KCNQ1: variants seen among roughly 807,000 people sequenced by gnomAD.
KCNQ1 encodes the protein potassium voltage-gated channel subfamily KQT member 1.
A neutral mutation model predicts 72.4 loss-of-function variants in KCNQ1; 49 were observed. The ratio of observed to expected loss-of-function variants is 0.68; its 90% CI spans 0.54 to 0.86. The LOEUF (loss-of-function observed/expected upper bound fraction) is 0.86. KCNQ1 is among the 40% of genes least tolerant of loss of function. The pLI, the probability that KCNQ1 is intolerant of heterozygous loss-of-function variation, is 0.00. For missense variants in KCNQ1, 790 were observed against 945.1 expected (o/e 0.84, Z 2.15); for synonymous variants, 450 against 412.6 (o/e 1.09, Z -1.10).
rs577402409 is a variant in KCNQ1, at chr11:2,559,068, G to A, written c.478-11560G>A. Among the ~76,000 whole-genome samples, 1 of 151,852 alleles carries A rather than the reference G, an allele frequency of 6.6e-6. No homozygotes were observed. Among genetic ancestry groups the A allele is most frequent in the Admixed American group, 6.6e-5 (1 of 15,264 alleles). On this transcript the variant is annotated intron_variant, in intron 2 of 15. Coordinates refer to ENST00000155840, the MANE Select transcript of KCNQ1 (RefSeq NM_000218.3). This position sits in a 1 kb window ranked among gnomAD's most constrained non-coding sequence, Gnocchi z 4.9. ...CCCAGAGCTACGGACAAGGGGCAAG[G>A]TGGGGCTGGAGGCACCGGCTCAGCA...
rs77923423 is a variant in KCNQ1 at position 2,823,227 on chromosome 11, G to A, written c.1795-24540G>A. ...AGTAACAGGTGATTTTCCAAACATG[G>A]GCCTCTGAACAGATCAGTCTTTGGT... is the stretch of plus-strand genomic sequence containing the variant. On this transcript the variant is annotated intron_variant, in intron 15 of 15. Transcript: ENST00000155840. Among the ~76,000 whole-genome samples, 968 of 152,242 alleles carry A rather than the reference G, an allele frequency of 6.4e-3. 12 individuals carry two copies. The highest frequency in any genetic ancestry group is 0.022 in the African/African-American group (901 of 41,516).
chr11:2,605,828 G>C (rs557434295), intron 10 of KCNQ1, among the ~76,000 whole-genome samples: 1 of 152,304 alleles, frequency 6.6e-6, no homozygotes, highest in Admixed American at 6.5e-5. Context: ...CTGAGATTCT[G>C]GTAAGGATTG....
intron 11 of KCNQ1, among the ~76,000 whole-genome samples, chr11:2,738,511 A>G (rs1052469583): frequency 7.2e-5 from 11 of 152,316 alleles, no homozygotes; most frequent in African/African-American, 2.4e-4. Flanking sequence ...GACCCTGGCC[A>G]GAGCCATGGC....
In KCNQ1 at chr11:2,550,043, A is replaced by C. The variant is rs1254685566; in HGVS notation, c.478-20585A>C. Among the ~76,000 whole-genome samples the C allele has an allele frequency of 1.3e-5, 2 of 152,180 alleles. No individual in the cohort carries two copies. The highest frequency in any genetic ancestry group is 2.4e-5 in the African/African-American group (1 of 41,444). On this transcript the variant is annotated intron_variant, in intron 2 of 15. Transcript: ENST00000155840. The surrounding 1 kb of genome is among the most constrained non-coding windows in gnomAD (Gnocchi z 6.0). ...GGCCTCGAGAGGGACGGACCCCAGAACTGGACCCCAATGTGCAGGTCTGGG... is the reference window on the plus strand; with the variant it reads ...GGCCTCGAGAGGGACGGACCCCAGACCTGGACCCCAATGTGCAGGTCTGGG...
At position 2,588,607 on chromosome 11, in the gene KCNQ1, G is replaced by C; in HGVS notation, c.1252-106G>C. ...GCCTCAGGTCCCTGTCCGGGTGTAT[G>C]TGGCGGGGGCTGGGCTCGGGGCGGC... On this transcript the variant is annotated intron_variant, in intron 9 of 15. Coordinates refer to ENST00000155840, the MANE Select transcript of KCNQ1 (RefSeq NM_000218.3). The surrounding 1 kb of genome is among the most constrained non-coding windows in gnomAD (Gnocchi z 5.6). 7.2e-7 allele frequency: 1 copy of C among 1,388,772 alleles called. No homozygotes were observed. The highest frequency in any genetic ancestry group is 1.0e-6 in the Non-Finnish European group (1 of 993,078). 86.0% of individuals were successfully genotyped at this position (1,388,772 alleles called of 1,614,324 possible).
chr11:2,467,906 G>A (rs1846375132), intron 1 of KCNQ1, among the ~76,000 whole-genome samples: 1 of 152,212 alleles, frequency 6.6e-6, no homozygotes, highest in Non-Finnish European at 1.5e-5. Context: ...TCCAGGCACT[G>A]CCTTCCACCT....
chr11:2,485,183 T>A (rs1470309392), intron 1 of KCNQ1, among the ~76,000 whole-genome samples: 2 of 152,226 alleles, frequency 1.3e-5, no homozygotes, highest in Non-Finnish European at 2.9e-5. Context: ...TAGATTTATC[T>A]GTTAGGTTGG....
At chr11:2,666,995 G>A (rs894160557) in intron 11 of KCNQ1, 1 of 398,712 alleles carries the variant, frequency 2.5e-6, no homozygotes. Context: ...GCTGTACAGG[G>A]CTGCATGAGT....
chr11:2,751,157 C>T (rs1405149486), intron 11 of KCNQ1, among the ~76,000 whole-genome samples: 1 of 152,222 alleles, frequency 6.6e-6, no homozygotes, highest in Non-Finnish European at 1.5e-5. Context: ...AAGGCAGTGA[C>T]TGGTTTTGCC....
intron 10 of KCNQ1, among the ~76,000 whole-genome samples, chr11:2,596,226 C>T (rs1025767670): frequency 5.3e-5 from 8 of 152,118 alleles, no homozygotes; most frequent in African/African-American, 1.4e-4. Flanking sequence ...CATATGCTCC[C>T]GGTGAGAATG....
chr11:2,684,165 G>A (rs529967256), intron 11 of KCNQ1: 11 of 398,636 alleles, frequency 2.8e-5, no homozygotes, highest in African/African-American at 1.8e-4. Flanking sequence ...GAGGACTTAG[G>A]AAGAGAAGCG....
Position 2,627,342 on chromosome 11 carries a change from T to C in KCNQ1, c.1394-34619T>C. 2.5e-6 allele frequency: 1 copy of C among 398,572 alleles called. No individual in the cohort carries two copies. The highest frequency in any genetic ancestry group is 4.4e-6 in the Non-Finnish European group (1 of 226,050). The allele number at this position is 398,572 out of a possible 1,614,324, so 24.7% of individuals were successfully genotyped here. A position where few individuals can be genotyped will look rare whatever the true frequency, so the allele number is the denominator to read the frequency against. On this transcript the variant is annotated intron_variant, in intron 10 of 15. Transcript: ENST00000155840. The surrounding 1 kb of genome is among the most constrained non-coding windows in gnomAD (Gnocchi z 4.9). ...TGGTCAGAATACCTAAGCTATACTC[T>C]CTTAGCAAATTCCAAGTATAGAATA...
chr11:2,817,727 C>T lies in KCNQ1; in HGVS notation c.1795-30040C>T, dbSNP rs746567893. 2.0e-5 allele frequency among the ~76,000 whole-genome samples: 3 copies of T among 152,248 alleles called. No homozygotes were observed. The highest frequency in any genetic ancestry group is 6.5e-5 in the Admixed American group (1 of 15,300). ...CTTCTCACAGGGGCCTACCCACTTA[C>T]GACCCACCTCCTCTCCTCCATGGCA... On this transcript the variant is annotated intron_variant, in intron 15 of 15. Transcript: ENST00000155840. The surrounding 1 kb of genome is among the most constrained non-coding windows in gnomAD (Gnocchi z 6.1).
chr11:2,496,109 T>G (rs1035042691), intron 1 of KCNQ1, among the ~76,000 whole-genome samples: 9 of 152,312 alleles, frequency 5.9e-5, no homozygotes, highest in East Asian at 3.9e-4. Context: ...TTGTCTTTTT[T>G]TATCTTTCTT....
chr11:2,633,766 G>A, intron 10 of KCNQ1: 1 of 398,444 alleles, frequency 2.5e-6, no homozygotes. Flanking sequence ...GGTTACCATT[G>A]TTTTGTATAC....
rs1850136838 is a variant in KCNQ1 at position 2,669,120 on chromosome 11, T to C, written c.1514+7039T>C. 2.5e-6 allele frequency: 1 copy of C among 398,712 alleles called. No individual in the cohort carries two copies. The highest frequency in any genetic ancestry group is 3.6e-5 in the East Asian group (1 of 28,082). 24.7% of individuals were successfully genotyped at this position (398,712 alleles called of 1,614,324 possible). A position where few individuals can be genotyped will look rare whatever the true frequency, so the allele number is the denominator to read the frequency against. On this transcript the variant is annotated intron_variant, in intron 11 of 15. Transcript: ENST00000155840. The surrounding 1 kb of genome is among the most constrained non-coding windows in gnomAD (Gnocchi z 5.6). ...AGCTCACTGGCTACGTGTGGCTCTG[T>C]TTCTGGACCCTATTGGGTGCCACTG... is the stretch of plus-strand genomic sequence containing the variant.
rs1218055285 is a variant in KCNQ1, at chr11:2,457,819, A to G, written c.386+12335A>G. ...TGGAAACTTTTGGCATGGGAGAAAAAAAAAAAAAACAGATGTAAGTTAGAA... is the reference window on the plus strand; with the variant it reads ...TGGAAACTTTTGGCATGGGAGAAAAGAAAAAAAAACAGATGTAAGTTAGAA... On this transcript the variant is annotated intron_variant, in intron 1 of 15. Coordinates refer to ENST00000155840, the MANE Select transcript of KCNQ1 (RefSeq NM_000218.3). The surrounding 1 kb of genome is among the most constrained non-coding windows in gnomAD (Gnocchi z 5.0). 6.6e-6 allele frequency among the ~76,000 whole-genome samples: 1 copy of G among 152,064 alleles called. No homozygotes were observed. The highest frequency in any genetic ancestry group is 1.5e-5 in the Non-Finnish European group (1 of 68,012).
Position 2,471,247 on chromosome 11 carries a change from A to G in KCNQ1, c.386+25763A>G, listed in dbSNP as rs559044602. 1.3e-5 allele frequency among the ~76,000 whole-genome samples: 2 copies of G among 152,054 alleles called. No homozygotes were observed. Among genetic ancestry groups the G allele is most frequent in the Admixed American group, 6.5e-5 (1 of 15,284 alleles). On this transcript the variant is annotated intron_variant, in intron 1 of 15. Coordinates refer to ENST00000155840, the MANE Select transcript of KCNQ1 (RefSeq NM_000218.3). The surrounding 1 kb of genome is among the most constrained non-coding windows in gnomAD (Gnocchi z 4.8). ...AACTGGTGTGGCTTCAGGGTCCCCA[A>G]CTTTTCAGACCCCACCTCTGTGTTG... is the stretch of plus-strand genomic sequence containing the variant.
At chr11:2,649,478 T>C (rs186378113) in intron 10 of KCNQ1, 1 of 398,456 alleles carries the variant, frequency 2.5e-6, no homozygotes, top group African/African-American at 2.1e-5. Flanking sequence ...TTAGTAGTAA[T>C]GAATTCCCTC....
Sources: gnomAD v4.1 joint callset for allele counts (sites outside exome capture counted in the v4.1 genomes callset) on GRCh38, gnomAD v4.1.1 for gene constraint, Gnocchi (gnomAD v3.1) non-coding constraint, MANE v1.5 for transcripts, NCBI Gene and HGNC (gene_info 2026-07-23, HGNC 2026-07-21) for gene names.